The following LSM2 variants were observed in gnomAD, a reference collection of about 807,000 sequenced individuals.
The protein encoded by LSM2 is LSM2 homolog, U6 small nuclear RNA and mRNA degradation associated.
Under a neutral mutation model 17.0 loss-of-function variants are expected in LSM2, and 12 were observed. The observed-to-expected ratio is 0.70, with a 90% CI of 0.45 to 1.14. The LOEUF (loss-of-function observed/expected upper bound fraction) is 1.14. LSM2 is among the 50% of genes most tolerant of loss of function. LSM2 has a pLI of 0.00. For missense variants in LSM2, 62 were observed against 111.8 expected (o/e 0.55, Z 2.01); for synonymous variants, 42 against 44.5 (o/e 0.94, Z 0.22).
intron 2 of LSM2, among the ~76,000 whole-genome samples, chr6:31,800,466 GT>G (rs1243478932): frequency 1.3e-5 from 2 of 152,106 alleles, no homozygotes; most frequent in Admixed American, 1.3e-4. Flanking sequence ...AAAACCCAGC[GT>G]CTAGGCCATG....
intron 2 of LSM2, among the ~76,000 whole-genome samples, chr6:31,804,889 C>T (rs541177912): frequency 6.6e-6 from 1 of 151,262 alleles, no homozygotes; most frequent in East Asian, 1.9e-4. Context: ...GCCTCAGACT[C>T]CCAAGTAGCT....
chr6:31,803,824 C>T (rs1814853157), intron 2 of LSM2, among the ~76,000 whole-genome samples: 1 of 152,002 alleles, frequency 6.6e-6, no homozygotes, highest in Non-Finnish European at 1.5e-5. Context: ...CAGGCATCCA[C>T]CCGCCTCGAC....
At chr6:31,804,763 C>CTTTTTTTT (rs9279424) in intron 2 of LSM2, among the ~76,000 whole-genome samples, 47 of 104,888 alleles carry the variant, frequency 4.5e-4, no homozygotes, top group Non-Finnish European at 6.5e-4. Context: ...TCTTTTTTTT[C>CTTTTTTTT]TTTTTTTTTT....
chr6:31,806,114 AC>A lies in LSM2; in HGVS notation c.31del (p.Val11TrpfsTer9). On this transcript the variant is annotated frameshift_variant, in exon 2 of 5. Coordinates refer to ENST00000375661, the MANE Select transcript of LSM2 (RefSeq NM_021177.5). LOFTEE classifies it high-confidence loss of function. ...TAGTTCCACGACCACATCCTTGCCC[AC>A]AAGGGACTTGAAAAAAGAATAGAAG... MLFYSFFKSL[V>X]GKDVVVELKN... 1.2e-6 allele frequency: 2 copies of A among 1,612,936 alleles called. No individual in the cohort carries two copies. Among genetic ancestry groups the A allele is most frequent in the Non-Finnish European group, 1.7e-6 (2 of 1,179,936 alleles).
chr6:31,798,476 C>T lies in LSM2; in HGVS notation c.102+1G>A. 6.2e-7 allele frequency: 1 copy of T among 1,612,920 alleles called. No individual in the cohort carries two copies. Among genetic ancestry groups the T allele is most frequent in the South Asian group, 1.1e-5 (1 of 91,066 alleles). ...ATTCTGGGGCCCGTGCTATATCTCA[C>T]CTGATCCACAGAATGGAGGGTTCCA... is the stretch of plus-strand genomic sequence containing the variant. On this transcript the variant is annotated splice_donor_variant, in intron 3 of 4. Transcript: ENST00000375661. LOFTEE classifies it high-confidence loss of function.
At chr6:31,798,334 A>T in intron 3 of LSM2, 143 bp downstream of exon 3, 1 of 959,230 alleles carries the variant, frequency 1.0e-6, no homozygotes, top group Non-Finnish European at 1.6e-6. Context: ...GGCCTCTCAA[A>T]GTGCTGGGAT....
chr6:31,802,003 C>T (rs903952950), intron 2 of LSM2, among the ~76,000 whole-genome samples: 1 of 152,072 alleles, frequency 6.6e-6, no homozygotes, highest in South Asian at 2.1e-4. Flanking sequence ...ATAAAAAGGC[C>T]GGGTGCAGTG....
chr6:31,802,583 C>T (rs576822361), intron 2 of LSM2, among the ~76,000 whole-genome samples: 3 of 147,370 alleles, frequency 2.0e-5, no homozygotes, highest in East Asian at 4.1e-4. Flanking sequence ...GAGCGAGACT[C>T]GTCTCAATAA....
In LSM2 at chr6:31,806,768, C is replaced by T. The variant is rs913103425; in HGVS notation, c.-11G>A. On this transcript the variant is annotated 5_prime_UTR_variant, in exon 1 of 5. Coordinates refer to ENST00000375661, the MANE Select transcript of LSM2 (RefSeq NM_021177.5). Reference sequence around the variant, plus strand: ...CACGGTACCCACCATGGTGCTGGCGCCGCGGGCAGCGGGCCGGACCGGGAA... The same window carrying T: ...CACGGTACCCACCATGGTGCTGGCGTCGCGGGCAGCGGGCCGGACCGGGAA... 1 of 1,609,766 alleles carries T rather than the reference C, an allele frequency of 6.2e-7. No individual in the cohort carries two copies. The highest frequency in any genetic ancestry group is 8.5e-7 in the Non-Finnish European group (1 of 1,178,830).
intron 2 of LSM2, among the ~76,000 whole-genome samples, chr6:31,801,553 G>A (rs1814705505): frequency 6.6e-6 from 1 of 152,148 alleles, no homozygotes; most frequent in South Asian, 2.1e-4. Context: ...CCAGCACTTT[G>A]GGAGGCTGAG....
chr6:31,806,905 T>C lies in LSM2; in HGVS notation c.-148A>G. ...AAGCGACGCAGAAAGCTCCAAGCGC[T>C]GACGGGCAAAGCGCGGCCGACTTGC... On this transcript the variant is annotated 5_prime_UTR_variant, in exon 1 of 5. Coordinates refer to ENST00000375661, the MANE Select transcript of LSM2 (RefSeq NM_021177.5). The C allele has an allele frequency of 9.0e-7, 1 of 1,116,894 alleles. No homozygotes were observed. Among genetic ancestry groups the C allele is most frequent in the Non-Finnish European group, 1.2e-6 (1 of 804,920 alleles). 69.2% of individuals were successfully genotyped at this position (1,116,894 alleles called of 1,614,324 possible).
At chr6:31,802,728 A>G (rs1235622850) in intron 2 of LSM2, among the ~76,000 whole-genome samples, 1 of 152,124 alleles carries the variant, frequency 6.6e-6, no homozygotes, top group Non-Finnish European at 1.5e-5. Context: ...CCTGGCCAAC[A>G]TGGTGAAACC....
chr6:31,803,486 A>G (rs1814834439), intron 2 of LSM2, among the ~76,000 whole-genome samples: 1 of 152,214 alleles, frequency 6.6e-6, no homozygotes, highest in African/African-American at 2.4e-5. Context: ...CCCCATCTCA[A>G]AAAAATAAAT....
chr6:31,801,996 A>C (rs1482205579), intron 2 of LSM2, among the ~76,000 whole-genome samples: 1 of 151,266 alleles, frequency 6.6e-6, no homozygotes, highest in Non-Finnish European at 1.5e-5. Context: ...AAATAATATA[A>C]AAAGGCCGGG....
At chr6:31,804,026 G>C (rs911537966) in intron 2 of LSM2, among the ~76,000 whole-genome samples, 1 of 152,168 alleles carries the variant, frequency 6.6e-6, no homozygotes, top group Non-Finnish European at 1.5e-5. Flanking sequence ...GCAACAAAGT[G>C]AGGCACTGTC....
At chr6:31,801,312 G>C (rs1172645526) in intron 2 of LSM2, among the ~76,000 whole-genome samples, 1 of 151,982 alleles carries the variant, frequency 6.6e-6, no homozygotes, top group Admixed American at 6.6e-5. Context: ...CAAACACCCA[G>C]TATCTGAAAC....
chr6:31,806,778 C>G lies in LSM2; in HGVS notation c.-21G>C. 6.2e-7 allele frequency: 1 copy of G among 1,608,002 alleles called. No individual in the cohort carries two copies. Among genetic ancestry groups the G allele is most frequent in the Non-Finnish European group, 8.5e-7 (1 of 1,178,188 alleles). The stretch of plus-strand genomic sequence containing the variant: ...ACCATGGTGCTGGCGCCGCGGGCAG[C>G]GGGCCGGACCGGGAAGACAGCAGGG... On this transcript the variant is annotated 5_prime_UTR_variant, in exon 1 of 5. Coordinates refer to ENST00000375661, the MANE Select transcript of LSM2 (RefSeq NM_021177.5).
intron 2 of LSM2, among the ~76,000 whole-genome samples, chr6:31,799,744 G>A (rs1156298545): frequency 6.6e-6 from 1 of 151,134 alleles, no homozygotes; most frequent in African/African-American, 2.4e-5. Flanking sequence ...TGGAACCAGA[G>A]CCCATATGTG....
intron 2 of LSM2, among the ~76,000 whole-genome samples, chr6:31,805,062 G>A (rs145978630): frequency 1.1e-3 from 156 of 143,150 alleles, no homozygotes; most frequent in African/African-American, 3.5e-3. Flanking sequence ...CACCGCGCCC[G>A]GCCTGGCCTG....
Sources: allele counts gnomAD v4.1 joint callset (sites outside exome capture counted in the v4.1 genomes callset), GRCh38; gene constraint gnomAD v4.1.1; transcripts MANE v1.5; gene names NCBI Gene and HGNC (gene_info 2026-07-23, HGNC 2026-07-21).